The following BRINP1 variants were observed in gnomAD, a reference collection of about 807,000 sequenced individuals.
The protein encoded by BRINP1 is BMP/retinoic acid inducible neural specific 1, also known as BMP/retinoic acid-inducible neural-specific protein 1.
In BRINP1, 17 loss-of-function variants were observed where a neutral mutation model predicts 72.9. The observed-to-expected ratio is 0.23, with a 90% CI of 0.16 to 0.35. The LOEUF (loss-of-function observed/expected upper bound fraction) is 0.35, where lower values mean the gene tolerates loss of function less well. Among genes scored for constraint, BRINP1 ranks in the 10% least tolerant of loss-of-function variants. The pLI is 1.00. For synonymous variants in BRINP1, 418 were observed against 378.5 expected, an observed-to-expected ratio of 1.10 and a Z score of -1.21; for missense variants, 850 against 1,001.6, an observed-to-expected ratio of 0.85 and a Z score of 2.04.
intron 5 of BRINP1, among the ~76,000 whole-genome samples, chr9:119,223,197 T>C (rs560603267): frequency 6.6e-6 from 1 of 152,210 alleles, no homozygotes; most frequent in Admixed American, 6.6e-5. Flanking sequence ...ATAAAGCTAG[T>C]GTAAAAATTA....
chr9:119,307,276 C>T (rs1831007973), intron 2 of BRINP1, among the ~76,000 whole-genome samples: 1 of 152,072 alleles, frequency 6.6e-6, no homozygotes, highest in Non-Finnish European at 1.5e-5. Context: ...GCTCCTGTCT[C>T]TCCTAGACCA....
At chr9:119,331,257 A>G (rs1831297895) in intron 1 of BRINP1, among the ~76,000 whole-genome samples, 1 of 152,200 alleles carries the variant, frequency 6.6e-6, no homozygotes, top group East Asian at 1.9e-4. Flanking sequence ...GCATTTTATC[A>G]CTATGAGGAG....
chr9:119,189,627 T>C (rs1829662921), intron 7 of BRINP1, among the ~76,000 whole-genome samples: 1 of 152,086 alleles, frequency 6.6e-6, no homozygotes, highest in Admixed American at 6.6e-5. Flanking sequence ...ATAGCAAATA[T>C]AAATATACAT....
At chr9:119,333,873 C>T (rs978028852) in intron 1 of BRINP1, among the ~76,000 whole-genome samples, 5 of 152,186 alleles carry the variant, frequency 3.3e-5, no homozygotes, top group African/African-American at 1.2e-4. Context: ...AAAACACAAA[C>T]CATTTTCCAT....
intron 5 of BRINP1, among the ~76,000 whole-genome samples, chr9:119,220,830 A>T (rs73532212): frequency 0.036 from 5,447 of 152,214 alleles, 297 homozygotes; most frequent in African/African-American, 0.12. Context: ...GAATCTTGAA[A>T]CATGAGCATG....
chr9:119,318,561 G>A (rs565728585), intron 1 of BRINP1, among the ~76,000 whole-genome samples: 57 of 152,080 alleles, frequency 3.7e-4, no homozygotes, highest in Non-Finnish European at 6.3e-4. Flanking sequence ...CATGTTGAGT[G>A]CAGAACAGTA....
intron 2 of BRINP1, among the ~76,000 whole-genome samples, chr9:119,308,743 T>C (rs1831025620): frequency 6.6e-6 from 1 of 152,184 alleles, no homozygotes; most frequent in Admixed American, 6.5e-5. Flanking sequence ...TTCAGGTATA[T>C]ATTTACAGCT....
intron 2 of BRINP1, among the ~76,000 whole-genome samples, chr9:119,289,797 T>C (rs1657119236): frequency 6.6e-6 from 1 of 152,206 alleles, no homozygotes; most frequent in Admixed American, 6.5e-5. Flanking sequence ...GGCTATGGTG[T>C]TTTGATTCTG....
At chr9:119,192,173 G>C (rs1829690154) in intron 7 of BRINP1, among the ~76,000 whole-genome samples, 1 of 151,840 alleles carries the variant, frequency 6.6e-6, no homozygotes, top group South Asian at 2.1e-4. Context: ...TAAGTAGAAA[G>C]CTCCTCAACG....
intron 7 of BRINP1, among the ~76,000 whole-genome samples, chr9:119,175,523 A>G (rs536063877): frequency 6.6e-6 from 1 of 152,204 alleles, no homozygotes; most frequent in African/African-American, 2.4e-5. Context: ...AGTATAATAA[A>G]AAAAAGGGGG....
At chr9:119,338,406 T>C (rs1831371203) in intron 1 of BRINP1, among the ~76,000 whole-genome samples, 2 of 151,968 alleles carry the variant, frequency 1.3e-5, no homozygotes, top group South Asian at 4.2e-4. Context: ...CCTAACAATG[T>C]GCTGGGTACT....
chr9:119,318,292 C>T (rs1564246949), intron 1 of BRINP1, among the ~76,000 whole-genome samples: 1 of 152,124 alleles, frequency 6.6e-6, no homozygotes, highest in Non-Finnish European at 1.5e-5. Flanking sequence ...CCTCATTTGT[C>T]TACTTTTCCA....
chr9:119,194,873 C>A (rs1471222099), intron 7 of BRINP1, among the ~76,000 whole-genome samples: 1 of 152,156 alleles, frequency 6.6e-6, no homozygotes, highest in Middle Eastern at 3.2e-3. Context: ...ACCTAAACTC[C>A]TGACCCCTGG....
chr9:119,328,658 G>A (rs1030269831), intron 1 of BRINP1, among the ~76,000 whole-genome samples: 5 of 152,116 alleles, frequency 3.3e-5, no homozygotes, highest in Non-Finnish European at 5.9e-5. Context: ...GGCTGATAAC[G>A]GAGATAAATC....
chr9:119,319,189 A>G (rs1831158996), intron 1 of BRINP1, among the ~76,000 whole-genome samples: 1 of 151,534 alleles, frequency 6.6e-6, no homozygotes, highest in African/African-American at 2.4e-5. Flanking sequence ...ATTGGGCTAG[A>G]CTCCTATCTT....
chr9:119,177,964 G>A (rs1829508154), intron 7 of BRINP1, among the ~76,000 whole-genome samples: 1 of 152,188 alleles, frequency 6.6e-6, no homozygotes, highest in Non-Finnish European at 1.5e-5. Flanking sequence ...GCACGAGGCT[G>A]AGGGAAAGAG....
At chr9:119,288,111 AGATGGGTAG>A (rs1163605963) in intron 2 of BRINP1, among the ~76,000 whole-genome samples, 4 of 152,254 alleles carry the variant, frequency 2.6e-5, no homozygotes, top group Non-Finnish European at 5.9e-5. Flanking sequence ...GGATGGGAAC[AGATGGGTAG>A]GAGGCTGTTA....
chr9:119,239,226 C>T (rs1194896075), intron 4 of BRINP1, among the ~76,000 whole-genome samples: 2 of 152,196 alleles, frequency 1.3e-5, no homozygotes, highest in African/African-American at 4.8e-5. Context: ...ACGCCTGGCA[C>T]ATGGCATGTG....
At chr9:119,316,222 G>A (rs1020420922) in intron 1 of BRINP1, among the ~76,000 whole-genome samples, 1 of 152,118 alleles carries the variant, frequency 6.6e-6, no homozygotes, top group Admixed American at 6.5e-5. Context: ...CAGTAGCTGA[G>A]ATTACAGGTG....
Sources: gnomAD v4.1 joint callset for allele counts (sites outside exome capture counted in the v4.1 genomes callset) on GRCh38, gnomAD v4.1.1 for gene constraint, MANE v1.5 for transcripts, NCBI Gene and HGNC (gene_info 2026-07-23, HGNC 2026-07-21) for gene names.